Variants in VWA5B2 observed in about 807,000 individuals in gnomAD.
VWA5B2 encodes von Willebrand factor A domain containing 5B2.
In VWA5B2, 93 loss-of-function variants were observed where a neutral mutation model predicts 118.5. The ratio of observed to expected loss-of-function variants is 0.79; its 90% confidence interval spans 0.66 to 0.93. The LOEUF is 0.93. Among genes scored for constraint, VWA5B2 ranks in the 40% least tolerant of loss-of-function variants. The pLI is 0.00. For synonymous variants in VWA5B2, 708 were observed against 716.3 expected (o/e 0.99, Z 0.19); for missense variants, 1,546 against 1,672.8 (o/e 0.92, Z 1.32).
At position 184,236,235 on chromosome 3, in the gene VWA5B2, C is replaced by T; in HGVS notation, c.1185C>T (p.Leu395=). The change falls in exon 9 of 20, where the codon CTC becomes CTT. Residue 395 remains leucine (L), a synonymous_variant. Transcript: ENST00000691901. The stretch of plus-strand genomic sequence containing the variant: ...TGTTTGGGACGTTGGTGCAGCCACT[C>T]TTCCCAGAGAGCCGGCCTTGCAGTG... ...LAVFGTLVQP[L]FPESRPCSDD... 2 of 1,551,800 alleles carry T rather than the reference C, an allele frequency of 1.3e-6. No individual in the cohort carries two copies. The highest frequency in any genetic ancestry group is 1.7e-4 in the Middle Eastern group (1 of 5,992).
intron 1 of VWA5B2, 33 bp from the exon 2 acceptor site, chr3:184,230,347 C>T: frequency 4.5e-6 from 3 of 672,514 alleles, no homozygotes; most frequent in Non-Finnish European, 6.6e-6. Flanking sequence ...CGCCTGCCGC[C>T]CCCTTATCTC....
In VWA5B2 at chr3:184,238,224, C is replaced by A; in HGVS notation, c.1720-79C>A. On this transcript the variant is annotated intron_variant, in intron 12 of 19. Transcript: ENST00000691901. This position sits in a 1 kb window ranked among gnomAD's most constrained non-coding sequence, Gnocchi z 5.0. ...GGTTTATTAGCTTTGTTGCCTCTTG[C>A]TGTGAGCCATCTAAAAATGTTTGGA... The A allele has an allele frequency of 7.9e-7, 1 of 1,261,678 alleles. No homozygotes were observed. Among genetic ancestry groups the A allele is most frequent in the Non-Finnish European group, 1.1e-6 (1 of 931,400 alleles). The allele number at this position is 1,261,678 out of a possible 1,614,324, so 78.2% of individuals were successfully genotyped here.
Position 184,241,677 on chromosome 3 carries a change from C to A in VWA5B2, c.3368C>A (p.Thr1123Lys), listed in dbSNP as rs1427503447. 3.9e-6 allele frequency: 6 copies of A among 1,526,734 alleles called. No individual in the cohort carries two copies. Among genetic ancestry groups the A allele is most frequent in the South Asian group, 2.4e-5 (2 of 83,308 alleles). The allele number at this position is 1,526,734 out of a possible 1,614,324, so 94.6% of individuals were successfully genotyped here. The change falls in exon 20 of 20, where the codon ACG becomes AAG. Residue 1123 changes from threonine (T) to lysine (K), a missense_variant. By Grantham distance (78) the Thr-to-Lys change is moderately conservative (BLOSUM62 -1). Coordinates refer to ENST00000691901, the MANE Select transcript of VWA5B2 (RefSeq NM_001390846.1). The surrounding 1 kb of genome is among the most constrained non-coding windows in gnomAD (Gnocchi z 5.1). ...GPGVGQGDSATASCSPSPSSG... is the reference protein window; with the variant it reads ...GPGVGQGDSAKASCSPSPSSG... ...GGTGTTGGCCAGGGTGACAGTGCCA[C>A]GGCCTCCTGCAGCCCGTCCCCCAGC...
chr3:184,242,032 CGT>C lies in VWA5B2; in HGVS notation c.3727_3728del (p.Ter1243LysfsTer31). On this transcript the variant is annotated frameshift_variant, in exon 20 of 20. Transcript: ENST00000691901. LOFTEE classifies it high-confidence loss of function. ...LHLLCYSPAN[V>X] is the part of the protein sequence containing the mutation. ...ACCTGCTGTGCTACAGCCCAGCGAA[CGT>C]GTGAAGGCTGCCCCCTGCTGCTTGG... is the stretch of plus-strand genomic sequence containing the variant. The C allele has an allele frequency of 6.5e-7, 1 of 1,549,290 alleles. No homozygotes were observed.
Position 184,239,798 on chromosome 3 carries a change from C to T in VWA5B2, c.2502C>T (p.Pro834=), listed in dbSNP as rs1560156830. 6.5e-7 allele frequency: 1 copy of T among 1,547,156 alleles called. No homozygotes were observed. The highest frequency in any genetic ancestry group is 8.7e-7 in the Non-Finnish European group (1 of 1,143,808). ...AGTTGGCCCCTCCAGCAGTGCCTCC[C>T]CAGGCTCCACGCTGCCATGTGGTGA... ...SGELAPPAVP[P]QAPRCHVVIR... The change falls in exon 16 of 20, where the codon CCC becomes CCT. Residue 834 remains proline, a synonymous_variant. Transcript: ENST00000691901. The surrounding 1 kb of genome is among the most constrained non-coding windows in gnomAD (Gnocchi z 5.1).
In VWA5B2 at chr3:184,239,410, C is replaced by T. The variant is rs554135589; in HGVS notation, c.2219C>T (p.Thr740Ile). The change falls in exon 15 of 20, where the codon ACT (threonine) becomes ATT (isoleucine). Residue 740 changes from threonine to isoleucine, a missense_variant. Physicochemically the swap from Thr to Ile is moderately conservative, Grantham distance 89 (BLOSUM62 -1). Transcript: ENST00000691901. This position sits in a 1 kb window ranked among gnomAD's most constrained non-coding sequence, Gnocchi z 5.1. ...CACATGCAGGTGGGGGCCTTGAGTACTGAGGTGCTGGGCCGTCAGCACAGA... is the reference window on the plus strand; with the variant it reads ...CACATGCAGGTGGGGGCCTTGAGTATTGAGGTGCTGGGCCGTCAGCACAGA... ...PAPFKVGALS[T>I]EVLGRQHRAA... is the part of the protein sequence containing the mutation. 4 of 1,545,038 alleles carry T rather than the reference C, an allele frequency of 2.6e-6. No individual in the cohort carries two copies. In the Middle Eastern group the frequency reaches 6.8e-4, roughly 262 times the overall value.
At position 184,237,335 on chromosome 3, in the gene VWA5B2, C is replaced by T. The variant is rs1303838733; in HGVS notation, c.1643C>T (p.Ala548Val). The T allele has an allele frequency of 1.9e-6, 3 of 1,551,410 alleles. No individual in the cohort carries two copies. The Admixed American group carries it at 5.9e-5, about 30-fold the overall frequency. Residue 548 changes from alanine (A) to valine (V), a missense_variant, in exon 12 of 20, where the codon GCA becomes GTA. Transcript: ENST00000691901. This position sits in a 1 kb window ranked among gnomAD's most constrained non-coding sequence, Gnocchi z 5.6. Reference protein sequence around the residue: ...EALLTPREIPALYPGDQLLGY... With the variant: ...EALLTPREIPVLYPGDQLLGY... ...CTGCTGACCCCCCGGGAGATCCCAG[C>T]ACTCTACCCTGGGGACCAGCTGCTC...
chr3:184,236,659 G>A lies in VWA5B2; in HGVS notation c.1443G>A (p.Gly481=). 2 of 1,551,240 alleles carry A rather than the reference G, an allele frequency of 1.3e-6. No individual in the cohort carries two copies. Among genetic ancestry groups the A allele is most frequent in the East Asian group, 2.4e-5 (1 of 40,904 alleles). Residue 481 remains glycine, a synonymous_variant, in exon 11 of 20, where the codon GGG becomes GGA. Transcript: ENST00000691901. ...GTARCFSFGL[G]PTCHQLLQGL... ...TCAGATGCTTCTCCTTTGGGCTGGGGCCCACCTGCCACCAGCTGCTCCAGG... is the reference window on the plus strand; with the variant it reads ...TCAGATGCTTCTCCTTTGGGCTGGGACCCACCTGCCACCAGCTGCTCCAGG...
At position 184,234,271 on chromosome 3, in the gene VWA5B2, G is replaced by A; in HGVS notation, c.694G>A (p.Glu232Lys). 2 of 1,551,624 alleles carry A rather than the reference G, an allele frequency of 1.3e-6. No homozygotes were observed. Among genetic ancestry groups the A allele is most frequent in the East Asian group, 2.4e-5 (1 of 40,924 alleles). The change falls in exon 6 of 20, where the codon GAG becomes AAG. Residue 232 changes from glutamate to lysine, a missense_variant. Transcript: ENST00000691901. Reference protein sequence around the residue: ...VTGPCLLAGLESPSHALRADA... With the variant: ...VTGPCLLAGLKSPSHALRADA... ...CCTGCCTCTATGTCCCTCAGGCCTGGAGAGCCCCTCTCATGCTCTGCGGGC... is the reference window on the plus strand; with the variant it reads ...CCTGCCTCTATGTCCCTCAGGCCTGAAGAGCCCCTCTCATGCTCTGCGGGC...
rs561488475 is a variant in VWA5B2 at position 184,238,022 on chromosome 3, A to G, written c.1720-281A>G. Among the ~76,000 whole-genome samples, 12 of 152,248 alleles carry G rather than the reference A, an allele frequency of 7.9e-5. No individual in the cohort carries two copies. The highest frequency in any genetic ancestry group is 1.6e-4 in the Non-Finnish European group (11 of 68,016). The stretch of plus-strand genomic sequence containing the variant: ...TTAATGAAAAGCTTTATCTCTTTAG[A>G]AGAACTCTGCACGCTTCCTCCTTTT... On this transcript the variant is annotated intron_variant, in intron 12 of 19. Coordinates refer to ENST00000691901, the MANE Select transcript of VWA5B2 (RefSeq NM_001390846.1). The surrounding 1 kb of genome is among the most constrained non-coding windows in gnomAD (Gnocchi z 5.0).
rs187843108 is a variant in VWA5B2, at chr3:184,240,980, A to G, written c.2879-44A>G. 4.1e-4 allele frequency: 635 copies of G among 1,550,534 alleles called. 2 individuals are homozygous for G. The African/African-American group carries it at 6.0e-3, about 15-fold the overall frequency. On this transcript the variant is annotated intron_variant, in intron 17 of 19. Coordinates refer to ENST00000691901, the MANE Select transcript of VWA5B2 (RefSeq NM_001390846.1). ...AGGTGCAGCTCTCACCTCACTGGCCACTCTCCTGGACAAACCTGACTCCTG... is the reference window on the plus strand; with the variant it reads ...AGGTGCAGCTCTCACCTCACTGGCCGCTCTCCTGGACAAACCTGACTCCTG...
In VWA5B2 at chr3:184,230,731, C is replaced by T; in HGVS notation, c.140-16C>T. ...GCCGGGCAGGGTCCGACGCCGCCTCCCGCCGCCCTCCCCAGGCGTGTTCGT... is the reference window on the plus strand; with the variant it reads ...GCCGGGCAGGGTCCGACGCCGCCTCTCGCCGCCCTCCCCAGGCGTGTTCGT... On this transcript the variant is annotated splice_polypyrimidine_tract_variant and intron_variant, in intron 2 of 19. Coordinates refer to ENST00000691901, the MANE Select transcript of VWA5B2 (RefSeq NM_001390846.1). 2.5e-6 allele frequency: 3 copies of T among 1,216,750 alleles called. No individual in the cohort carries two copies. Among genetic ancestry groups the T allele is most frequent in the Non-Finnish European group, 2.0e-6 (2 of 979,250 alleles). 75.4% of individuals were successfully genotyped at this position (1,216,750 alleles called of 1,614,324 possible).
rs1031015431 is a variant in VWA5B2 at position 184,235,297 on chromosome 3, G to A, written c.1090G>A (p.Val364Met). ...ACTCTTCCTTTTGGATAGCAGCAGC[G>A]TGGCACACAAGGCCCGTGGGGGTGT... ...ELLFLLDSSS[V>M]AHKDAIVLAV... Residue 364 changes from valine (V) to methionine (M), a missense_variant, in exon 8 of 20, where the codon GTG becomes ATG. Physicochemically the swap from Val to Met is conservative, Grantham distance 21. Transcript: ENST00000691901. 21 of 1,551,410 alleles carry A rather than the reference G, an allele frequency of 1.4e-5. No individual in the cohort carries two copies. The highest frequency in any genetic ancestry group is 1.7e-4 in the Middle Eastern group (1 of 6,000).
At chr3:184,234,110 A>G (rs1010948144) in intron 5 of VWA5B2, among the ~76,000 whole-genome samples, 156 bp from the exon 6 acceptor site, 8 of 152,202 alleles carry the variant, frequency 5.3e-5, no homozygotes, top group Admixed American at 1.3e-4. Context: ...TCTACTTCCC[A>G]GCCCATGAAA....
In VWA5B2 at chr3:184,235,319, G is replaced by C; in HGVS notation, c.1101+11G>C. The C allele has an allele frequency of 6.4e-7, 1 of 1,551,002 alleles. No homozygotes were observed. On this transcript the variant is annotated intron_variant, in intron 8 of 19. Transcript: ENST00000691901. Reference sequence around the variant, plus strand: ...AGCGTGGCACACAAGGCCCGTGGGGGTGTGGTGTGGGCAGGCCTGGGGGTT... The same window carrying C: ...AGCGTGGCACACAAGGCCCGTGGGGCTGTGGTGTGGGCAGGCCTGGGGGTT...
At chr3:184,234,980 A>G in intron 7 of VWA5B2, 173 bp from the exon 8 acceptor site, 3 of 1,076,576 alleles carry the variant, frequency 2.8e-6, no homozygotes, top group Non-Finnish European at 3.9e-6. Flanking sequence ...TAGGTCTGAT[A>G]TAAACAGAAG....
rs1279631375 is a variant in VWA5B2, at chr3:184,239,817, G to T, written c.2521G>T (p.Val841Leu). ...AVPPQAPRCH[V>L]VIRGLCGEQP... Reference sequence around the variant, plus strand: ...GCCTCCCCAGGCTCCACGCTGCCATGTGGTGATCCGGGGCCTGTGTGGGGA... The same window carrying T: ...GCCTCCCCAGGCTCCACGCTGCCATTTGGTGATCCGGGGCCTGTGTGGGGA... The change falls in exon 16 of 20, where the codon GTG (valine) becomes TTG (leucine). Residue 841 changes from valine to leucine, a missense_variant. By Grantham distance (32) the Val-to-Leu change is conservative. Transcript: ENST00000691901. The surrounding 1 kb of genome is among the most constrained non-coding windows in gnomAD (Gnocchi z 5.1). 6.4e-7 allele frequency: 1 copy of T among 1,551,024 alleles called. No homozygotes were observed. Among genetic ancestry groups the T allele is most frequent in the South Asian group, 1.2e-5 (1 of 84,018 alleles).
chr3:184,242,247 C>T lies in VWA5B2; in HGVS notation c.*209C>T. On this transcript the variant is annotated 3_prime_UTR_variant, in exon 20 of 20. Transcript: ENST00000691901. The stretch of plus-strand genomic sequence containing the variant: ...CCTCCCACCCCACTCACACTCCCCT[C>T]CATCCTCTGAGCTCCCTGCAACACA... 1 of 747,898 alleles carries T rather than the reference C, an allele frequency of 1.3e-6. No homozygotes were observed. The highest frequency in any genetic ancestry group is 2.2e-5 in the Admixed American group (1 of 44,736). 46.3% of individuals were successfully genotyped at this position (747,898 alleles called of 1,614,324 possible). A position where few individuals can be genotyped will look rare whatever the true frequency, so the allele number is the denominator to read the frequency against.
intron 5 of VWA5B2, 60 bp from the exon 6 acceptor site, chr3:184,234,206 T>A: frequency 1.3e-6 from 2 of 1,535,158 alleles, no homozygotes; most frequent in Non-Finnish European, 1.8e-6. Flanking sequence ...CTGCCAACAT[T>A]TGCTGTCCCT....
Sources: gnomAD v4.1 joint callset for allele counts (sites outside exome capture counted in the v4.1 genomes callset) on GRCh38, gnomAD v4.1.1 for gene constraint, Gnocchi (gnomAD v3.1) non-coding constraint, MANE v1.5 for transcripts, NCBI Gene and HGNC (gene_info 2026-07-23, HGNC 2026-07-21) for gene names.